The following CDK3 variants were observed in gnomAD, a reference collection of about 807,000 sequenced individuals.
CDK3 encodes the protein cyclin-dependent kinase 3.
CDK3 carries 24 observed loss-of-function variants against 30.2 expected under a neutral mutation model. The ratio of observed to expected loss-of-function variants is 0.79; its 90% CI spans 0.57 to 1.12. The LOEUF is 1.12. Ranked by LOEUF, CDK3 falls within the 50% of genes most tolerant of loss-of-function variation. The pLI is 0.00. For synonymous variants in CDK3, 158 were observed against 154.2 expected (o/e 1.02, Z -0.18); for missense variants, 345 against 376.0 (o/e 0.92, Z 0.68).
Position 76,002,653 on chromosome 17 carries a change from A to G in CDK3, c.588+41A>G, listed in dbSNP as rs942838563. On this transcript the variant is annotated intron_variant, in intron 6 of 7. Coordinates refer to ENST00000448471, the MANE Select transcript of CDK3 (RefSeq NM_001258.4). The surrounding 1 kb of genome is among the most constrained non-coding windows in gnomAD (Gnocchi z 4.3). ...CACATGGCCACAGGGTGCCACAGGCAGGGTCCTACTGGGGTTGGGTGGGGT... is the reference window on the plus strand; with the variant it reads ...CACATGGCCACAGGGTGCCACAGGCGGGGTCCTACTGGGGTTGGGTGGGGT... The G allele has an allele frequency of 1.3e-6, 1 of 784,072 alleles. No homozygotes were observed. Among genetic ancestry groups the G allele is most frequent in the African/African-American group, 1.7e-5 (1 of 59,248 alleles). 48.6% of individuals were successfully genotyped at this position (784,072 alleles called of 1,614,324 possible). A position where few individuals can be genotyped will look rare whatever the true frequency, so the allele number is the denominator to read the frequency against.
rs2066268639 is a variant in CDK3 at position 76,002,385 on chromosome 17, C to T, written c.453C>T (p.Ala151=). 6.2e-7 allele frequency: 1 copy of T among 1,612,446 alleles called. No individual in the cohort carries two copies. Among genetic ancestry groups the T allele is most frequent in the Non-Finnish European group, 8.5e-7 (1 of 1,179,946 alleles). The change falls in exon 5 of 8, where the codon GCC becomes GCT. Residue 151 remains alanine, a synonymous_variant. Coordinates refer to ENST00000448471, the MANE Select transcript of CDK3 (RefSeq NM_001258.4). The surrounding 1 kb of genome is among the most constrained non-coding windows in gnomAD (Gnocchi z 4.3). ...IKLADFGLAR[A]FGVPLRTYTH... ...TGGCTGACTTCGGCCTGGCTCGCGC[C>T]TTCGGGGTGCCCCTGCGCACCTACA...
rs1246487558 is a variant in CDK3, at chr17:76,001,281, C to T, written c.-14-131C>T. ...GCAGGATGAGCTGGGGTTGGGGTGG[C>T]TAGGCCGTGGGCCTTGGGAGCTGGG... On this transcript the variant is annotated intron_variant, in intron 1 of 7. Transcript: ENST00000448471. The surrounding 1 kb of genome is among the most constrained non-coding windows in gnomAD (Gnocchi z 6.2). The T allele has an allele frequency of 1.3e-6, 2 of 1,513,878 alleles. No individual in the cohort carries two copies. The highest frequency in any genetic ancestry group is 8.8e-7 in the Non-Finnish European group (1 of 1,133,370). The allele number at this position is 1,513,878 out of a possible 1,614,324, so 93.8% of individuals were successfully genotyped here.
intron 7 of CDK3, 96 bp downstream of exon 7, chr17:76,003,494 AGG>A: frequency 2.0e-6 from 2 of 984,842 alleles, no homozygotes; most frequent in South Asian, 3.0e-5. Context: ...GTCCAAGGCC[AGG>A]GTCTCTTTCC....
chr17:76,005,088 C>G lies in CDK3; in HGVS notation c.793-210C>G, dbSNP rs933788216. Reference sequence around the variant, plus strand: ...AGGGGGGTGACTCAGCTTCAGTGGCCTGAGGAGACCTGGGTGACTCGTTAG... The same window carrying G: ...AGGGGGGTGACTCAGCTTCAGTGGCGTGAGGAGACCTGGGTGACTCGTTAG... On this transcript the variant is annotated intron_variant, in intron 7 of 7. Coordinates refer to ENST00000448471, the MANE Select transcript of CDK3 (RefSeq NM_001258.4). This position sits in a 1 kb window ranked among gnomAD's most constrained non-coding sequence, Gnocchi z 4.7. Among the ~76,000 whole-genome samples the G allele has an allele frequency of 3.9e-5, 6 of 152,118 alleles. No individual in the cohort carries two copies. Among genetic ancestry groups the G allele is most frequent in the Non-Finnish European group, 8.8e-5 (6 of 68,014 alleles).
Position 76,002,435 on chromosome 17 carries a change from A to G in CDK3, c.486+17A>G, listed in dbSNP as rs951886209. 6.2e-7 allele frequency: 1 copy of G among 1,612,286 alleles called. No homozygotes were observed. Among genetic ancestry groups the G allele is most frequent in the African/African-American group, 1.3e-5 (1 of 74,982 alleles). On this transcript the variant is annotated intron_variant, in intron 5 of 7. Coordinates refer to ENST00000448471, the MANE Select transcript of CDK3 (RefSeq NM_001258.4). This position sits in a 1 kb window ranked among gnomAD's most constrained non-coding sequence, Gnocchi z 4.3. Reference sequence around the variant, plus strand: ...ACCCATGAGGTATTGTGAGACAAAGAGGAGAGAGGGGCAGCAGGAGGAGTG... The same window carrying G: ...ACCCATGAGGTATTGTGAGACAAAGGGGAGAGAGGGGCAGCAGGAGGAGTG...
At chr17:76,004,037 C>T (rs768017627) in intron 7 of CDK3, among the ~76,000 whole-genome samples, 3 of 152,078 alleles carry the variant, frequency 2.0e-5, no homozygotes, top group Non-Finnish European at 4.4e-5. Context: ...AGCCACTGTG[C>T]CCGGCTGGGG....
At chr17:76,004,217 C>CTTTTTTTT (rs1305283662) in intron 7 of CDK3, among the ~76,000 whole-genome samples, 13 of 30,452 alleles carry the variant, frequency 4.3e-4, no homozygotes, top group South Asian at 2.0e-3. Flanking sequence ...GCAGAACCGT[C>CTTTTTTTT]TGTTTTTTTT....
chr17:76,003,080 C>T (rs1012827873), intron 6 of CDK3, 115 bp from the exon 7 acceptor site: 3 of 825,576 alleles, frequency 3.6e-6, no homozygotes, highest in Non-Finnish European at 6.0e-6. Context: ...ATTCTTTGCA[C>T]AGTCATGGAA....
In CDK3 at chr17:76,005,416, G is replaced by T; in HGVS notation, c.911G>T (p.Arg304Leu). Residue 304 changes from arginine to leucine, a missense_variant, in exon 8 of 8, where the codon CGC becomes CTC. Transcript: ENST00000448471. This position sits in a 1 kb window ranked among gnomAD's most constrained non-coding sequence, Gnocchi z 4.7. Reference protein sequence around the residue: ...AARQYVLQRFRH With the variant: ...AARQYVLQRFLH ...CGCCAGTATGTGCTGCAGCGATTCC[G>T]CCATTGAGAATGTCAAGGCCACACT... 6.2e-7 allele frequency: 1 copy of T among 1,612,768 alleles called. No individual in the cohort carries two copies. Among genetic ancestry groups the T allele is most frequent in the Non-Finnish European group, 8.5e-7 (1 of 1,179,236 alleles).
chr17:76,001,208 G>A lies in CDK3; in HGVS notation c.-14-204G>A, dbSNP rs1363391150. 2.1e-6 allele frequency: 3 copies of A among 1,421,980 alleles called. No homozygotes were observed. Among genetic ancestry groups the A allele is most frequent in the South Asian group, 1.4e-5 (1 of 71,350 alleles). The allele number at this position is 1,421,980 out of a possible 1,614,324, so 88.1% of individuals were successfully genotyped here. Reference sequence around the variant, plus strand: ...GGCCCCCTGACCCCCTTGGGGTCCGGGCTGGGCTGGGTGAGGGGCGGTTTC... The same window carrying A: ...GGCCCCCTGACCCCCTTGGGGTCCGAGCTGGGCTGGGTGAGGGGCGGTTTC... On this transcript the variant is annotated intron_variant, in intron 1 of 7. Coordinates refer to ENST00000448471, the MANE Select transcript of CDK3 (RefSeq NM_001258.4). This position sits in a 1 kb window ranked among gnomAD's most constrained non-coding sequence, Gnocchi z 6.2.
Position 76,001,462 on chromosome 17 carries a change from G to A in CDK3, c.37G>A (p.Gly13Ser). The A allele has an allele frequency of 6.2e-7, 1 of 1,614,118 alleles. No homozygotes were observed. Among genetic ancestry groups the A allele is most frequent in the Non-Finnish European group, 8.5e-7 (1 of 1,179,972 alleles). The change falls in exon 2 of 8, where the codon GGC becomes AGC. Residue 13 changes from glycine (G) to serine (S), a missense_variant. By Grantham distance (56) the Gly-to-Ser change is moderately conservative. Transcript: ENST00000448471. The surrounding 1 kb of genome is among the most constrained non-coding windows in gnomAD (Gnocchi z 6.2). Reference sequence around the variant, plus strand: ...CCAGAAGGTAGAGAAGATCGGAGAGGGCACCTATGGGGTGGTGTACAAGGC... The same window carrying A: ...CCAGAAGGTAGAGAAGATCGGAGAGAGCACCTATGGGGTGGTGTACAAGGC... ...MFQKVEKIGE[G>S]TYGVVYKAKN...
intron 7 of CDK3, 122 bp downstream of exon 7, chr17:76,003,520 C>T: frequency 1.4e-6 from 1 of 727,158 alleles, no homozygotes; most frequent in Non-Finnish European, 2.3e-6. Context: ...CCTTTGTACA[C>T]AACTGGCTTG....
Position 76,003,333 on chromosome 17 carries a change from T to A in CDK3, c.727T>A (p.Trp243Arg). Residue 243 changes from tryptophan (W) to arginine (R), a missense_variant, in exon 7 of 8, where the codon TGG becomes AGG. By Grantham distance (101) the Trp-to-Arg change is moderately radical. Transcript: ENST00000448471. ...LPDYKGSFPKWTRKGLEEIVP... is the reference protein window; with the variant it reads ...LPDYKGSFPKRTRKGLEEIVP... ...TGACTATAAGGGCAGCTTCCCTAAG[T>A]GGACCAGGAAGGGACTGGAAGAGAT... 6.2e-7 allele frequency: 1 copy of A among 1,614,144 alleles called. No individual in the cohort carries two copies. The highest frequency in any genetic ancestry group is 8.5e-7 in the Non-Finnish European group (1 of 1,180,032).
chr17:76,005,575 C>G lies in CDK3; in HGVS notation c.*152C>G. The G allele has an allele frequency of 1.1e-6, 1 of 874,562 alleles. No homozygotes were observed. The highest frequency in any genetic ancestry group is 1.7e-6 in the Non-Finnish European group (1 of 589,060). 54.2% of individuals were successfully genotyped at this position (874,562 alleles called of 1,614,324 possible). A position where few individuals can be genotyped will look rare whatever the true frequency, so the allele number is the denominator to read the frequency against. On this transcript the variant is annotated 3_prime_UTR_variant, in exon 8 of 8. Coordinates refer to ENST00000448471, the MANE Select transcript of CDK3 (RefSeq NM_001258.4). This position sits in a 1 kb window ranked among gnomAD's most constrained non-coding sequence, Gnocchi z 4.7. The stretch of plus-strand genomic sequence containing the variant: ...GGGCTGAGTCTGGGTTAGTCCTGCC[C>G]GCAGGTTAGCGAGATCCTGTGTTGT...
Position 76,001,709 on chromosome 17 carries a change from G to A in CDK3, c.117-165G>A, listed in dbSNP as rs767965168. 1.7e-5 allele frequency: 15 copies of A among 896,618 alleles called. No homozygotes were observed. The African/African-American group carries it at 1.9e-4, about 11-fold the overall frequency. The allele number at this position is 896,618 out of a possible 1,614,324, so 55.5% of individuals were successfully genotyped here. ...CACTGCCTTCTGACCAGCCTTTGCC[G>A]GGGCCCTGACTGTGGAGTTTGGTGG... is the stretch of plus-strand genomic sequence containing the variant. On this transcript the variant is annotated intron_variant, in intron 2 of 7. Coordinates refer to ENST00000448471, the MANE Select transcript of CDK3 (RefSeq NM_001258.4). This position sits in a 1 kb window ranked among gnomAD's most constrained non-coding sequence, Gnocchi z 6.2.
Position 76,003,915 on chromosome 17 carries a change from G to T in CDK3, c.792+517G>T, listed in dbSNP as rs1353790516. 4.6e-5 allele frequency among the ~76,000 whole-genome samples: 7 copies of T among 151,604 alleles called. No individual in the cohort carries two copies. The South Asian group carries it at 6.2e-4, about 14-fold the overall frequency. ...CTGCCACCACGCCCAGCTAATTTTT[G>T]TATTTTTTTTTTTAGTAGAGACAGG... On this transcript the variant is annotated intron_variant, in intron 7 of 7. Transcript: ENST00000448471.
In CDK3 at chr17:76,005,259, C is replaced by T. The variant is rs1378852515; in HGVS notation, c.793-39C>T. ...AGGGGAATTTCTCACCCCACCCTGGCTGCACCCAGACCACATCTTCTTCCT... is the reference window on the plus strand; with the variant it reads ...AGGGGAATTTCTCACCCCACCCTGGTTGCACCCAGACCACATCTTCTTCCT... On this transcript the variant is annotated intron_variant, in intron 7 of 7. Transcript: ENST00000448471. The surrounding 1 kb of genome is among the most constrained non-coding windows in gnomAD (Gnocchi z 4.7). 1.2e-6 allele frequency: 2 copies of T among 1,603,020 alleles called. No individual in the cohort carries two copies. Among genetic ancestry groups the T allele is most frequent in the Non-Finnish European group, 1.7e-6 (2 of 1,172,840 alleles).
At position 76,002,618 on chromosome 17, in the gene CDK3, G is replaced by C; in HGVS notation, c.588+6G>C. 1.2e-6 allele frequency: 1 copy of C among 814,542 alleles called. No individual in the cohort carries two copies. Among genetic ancestry groups the C allele is most frequent in the Non-Finnish European group, 2.2e-6 (1 of 448,972 alleles). 50.5% of individuals were successfully genotyped at this position (814,542 alleles called of 1,614,324 possible). On this transcript the variant is annotated splice_donor_region_variant and intron_variant, in intron 6 of 7. Transcript: ENST00000448471. This position sits in a 1 kb window ranked among gnomAD's most constrained non-coding sequence, Gnocchi z 4.3. Reference sequence around the variant, plus strand: ...GTTGCATCTTTGCAGAGATGGTAGAGAGAGGGGCACACATGGCCACAGGGT... The same window carrying C: ...GTTGCATCTTTGCAGAGATGGTAGACAGAGGGGCACACATGGCCACAGGGT...
At chr17:76,003,630 C>T (rs9902405) in intron 7 of CDK3, among the ~76,000 whole-genome samples, 3 of 152,242 alleles carry the variant, frequency 2.0e-5, no homozygotes, top group African/African-American at 7.2e-5. Flanking sequence ...TGTCTTTATG[C>T]TGTGCTACAC....
Sources: allele counts gnomAD v4.1 joint callset (sites outside exome capture counted in the v4.1 genomes callset), GRCh38; gene constraint gnomAD v4.1.1; non-coding constraint Gnocchi (gnomAD v3.1); transcripts MANE v1.5; gene names NCBI Gene and HGNC (gene_info 2026-07-23, HGNC 2026-07-21).